The following STAU1 variants were observed in gnomAD, a reference collection of about 807,000 sequenced individuals.
STAU1 encodes staufen double-stranded RNA binding protein 1.
STAU1 carries 13 observed loss-of-function variants against 62.9 expected under a neutral mutation model. The ratio of observed to expected loss-of-function variants is 0.21; its 90% CI spans 0.13 to 0.33. The LOEUF is 0.33. STAU1 is among the 10% of genes least tolerant of loss of function. The pLI, the probability that STAU1 is intolerant of heterozygous loss-of-function variation, is 1.00. For synonymous variants in STAU1, 269 were observed against 265.1 expected (o/e 1.01, Z -0.14); for missense variants, 571 against 712.1 (o/e 0.80, Z 2.25).
chr20:49,218,385 C>T, the STAU1 span, among the ~76,000 whole-genome samples: 7 of 151,758 alleles, frequency 4.6e-5, no homozygotes, highest in Admixed American at 6.6e-5. Context: ...CCACCACGCC[C>T]GGCTAATTTT....
intron 1 of STAU1, among the ~76,000 whole-genome samples, chr20:49,177,259 G>C (rs79941596): frequency 0.21 from 31,667 of 151,702 alleles, 3,383 homozygotes; most frequent in Non-Finnish European, 0.23. Context: ...ATAAAGGCCA[G>C]GTGTGATGGC....
chr20:49,125,631 G>A (rs1192445789), intron 6 of STAU1, among the ~76,000 whole-genome samples: 2 of 151,840 alleles, frequency 1.3e-5, no homozygotes, highest in Non-Finnish European at 2.9e-5. Flanking sequence ...TGGATCACGA[G>A]GTCAGGAGAT....
At position 49,166,073 on chromosome 20, in the gene STAU1, G is replaced by A. The variant is rs746139523; in HGVS notation, c.129C>T (p.Pro43=). The A allele has an allele frequency of 2.4e-5, 39 of 1,614,096 alleles. No homozygotes were observed. In the South Asian group the frequency reaches 4.2e-4, roughly 17 times the overall value. The change falls in exon 3 of 14, where the codon CCC becomes CCT. Residue 43 remains proline (P), a synonymous_variant. Coordinates refer to ENST00000371856, the MANE Select transcript of STAU1 (RefSeq NM_017453.4). Reference sequence around the variant, plus strand: ...GAATGGGTCTACCTGCATTTTCAGAGGGCAGAGAGCTAGTAGTAGAAGGAA... The same window carrying A: ...GAATGGGTCTACCTGCATTTTCAGAAGGCAGAGAGCTAGTAGTAGAAGGAA... ...MSIPSTTSSL[P]SENAGRPIQN...
intron 7 of STAU1, among the ~76,000 whole-genome samples, chr20:49,123,853 C>T (rs1037800055): frequency 1.9e-4 from 29 of 152,230 alleles, no homozygotes; most frequent in Non-Finnish European, 2.9e-5. Flanking sequence ...CTGAAAATCA[C>T]AAAGTTCCCC....
chr20:49,123,071 C>T (rs750439451), intron 8 of STAU1, 21 bp downstream of exon 8: 4 of 1,560,588 alleles, frequency 2.6e-6, no homozygotes, highest in South Asian at 1.2e-5. Flanking sequence ...GAAGGGGCGC[C>T]CATCATCCAT....
chr20:49,198,961 C>G, the STAU1 span, among the ~76,000 whole-genome samples: 1 of 150,002 alleles, frequency 6.7e-6, no homozygotes, highest in African/African-American at 2.5e-5. Context: ...AGATGAGACC[C>G]CGTCCCCCTG....
chr20:49,208,781 G>A, the STAU1 span, among the ~76,000 whole-genome samples: 1 of 150,266 alleles, frequency 6.7e-6, no homozygotes, highest in Non-Finnish European at 1.5e-5. Flanking sequence ...CACCATGCTC[G>A]GCTAATTTTT....
At chr20:49,216,547 A>T in the STAU1 span, among the ~76,000 whole-genome samples, 1 of 116,952 alleles carries the variant, frequency 8.6e-6, no homozygotes, top group Admixed American at 8.3e-5. Flanking sequence ...TAATTAATTA[A>T]AAAAAATTAA....
chr20:49,125,198 C>CAAAAAAAAAAAAAA (rs1171534142), intron 6 of STAU1, among the ~76,000 whole-genome samples: 19 of 33,732 alleles, frequency 5.6e-4, no homozygotes, highest in South Asian at 1.7e-3. Context: ...CTCATTTTTG[C>CAAAAAAAAAAAAAA]AAAAAAAAAA....
intron 6 of STAU1, chr20:49,134,721 A>T: frequency 9.1e-7 from 1 of 1,093,266 alleles, no homozygotes. Flanking sequence ...TGTCTGAAAA[A>T]ACTCCAAAAG....
chr20:49,130,039 AT>A (rs1397588746), intron 6 of STAU1, among the ~76,000 whole-genome samples: 3 of 152,186 alleles, frequency 2.0e-5, no homozygotes, highest in African/African-American at 7.2e-5. Context: ...TTTACAGTAG[AT>A]TTATTAATAA....
Position 49,185,986 on chromosome 20 carries a change from C to T in STAU1, c.-160+2130G>A, listed in dbSNP as rs1480669818. 7.9e-5 allele frequency among the ~76,000 whole-genome samples: 12 copies of T among 151,828 alleles called. 1 individual carries two copies. In the South Asian group the frequency reaches 1.9e-3, roughly 24 times the overall value. On this transcript the variant is annotated intron_variant, in intron 1 of 13. Transcript: ENST00000371856. The stretch of plus-strand genomic sequence containing the variant: ...CCTCGGGAGTAGCTGGGACTGCAGG[C>T]GCCCGCCACCACACCAGGCTCAAGA...
At chr20:49,176,998 G>T (rs992604182) in intron 1 of STAU1, among the ~76,000 whole-genome samples, 1 of 149,164 alleles carries the variant, frequency 6.7e-6, no homozygotes, top group African/African-American at 2.5e-5. Context: ...TGCAACCTCC[G>T]CCTCCCGGGT....
the STAU1 span, among the ~76,000 whole-genome samples, chr20:49,207,974 G>A: frequency 2.8e-4 from 43 of 151,658 alleles, no homozygotes; most frequent in Non-Finnish European, 3.1e-4. Flanking sequence ...GCTGCCTCCC[G>A]GGTTCAAGTG....
chr20:49,158,511 A>AG (rs1475485889), intron 3 of STAU1: 2 of 1,304,132 alleles, frequency 1.5e-6, no homozygotes, highest in Non-Finnish European at 2.0e-6. Context: ...AAGGAAAAAA[A>AG]CAAAGAATCC....
At chr20:49,174,017 T>C (rs111988933) in intron 2 of STAU1, among the ~76,000 whole-genome samples, 178 bp downstream of exon 2, 1,733 of 152,340 alleles carry the variant, frequency 0.011, 38 homozygotes, top group African/African-American at 0.039. Context: ...CCAATAACTT[T>C]TCCTGTACTT....
intron 3 of STAU1, among the ~76,000 whole-genome samples, chr20:49,159,478 G>C (rs1161070754): frequency 6.6e-6 from 1 of 152,034 alleles, no homozygotes. Flanking sequence ...GTTAATAAAG[G>C]GAATCCCGAA....
intron 9 of STAU1, among the ~76,000 whole-genome samples, 190 bp from the exon 10 acceptor site, chr20:49,118,598 G>A (rs1221926545): frequency 1.3e-5 from 2 of 152,082 alleles, no homozygotes; most frequent in African/African-American, 2.4e-5. Context: ...TTCTCCTAAT[G>A]CACCCTCCTG....
intron 1 of STAU1, among the ~76,000 whole-genome samples, chr20:49,185,111 G>A (rs1357635216): frequency 9.9e-5 from 15 of 152,124 alleles, no homozygotes; most frequent in Admixed American, 9.2e-4. Flanking sequence ...TAGGGCAGAC[G>A]GGGGCACTTT....
Sources: allele counts gnomAD v4.1 joint callset (sites outside exome capture counted in the v4.1 genomes callset), GRCh38; gene constraint gnomAD v4.1.1; transcripts MANE v1.5; gene names NCBI Gene and HGNC (gene_info 2026-07-23, HGNC 2026-07-21).